MEGF6: variants seen among roughly 807,000 people sequenced by gnomAD.
MEGF6 encodes multiple EGF like domains 6.
In MEGF6, 184 loss-of-function variants were observed where a neutral mutation model predicts 207.1. The observed-to-expected ratio is 0.89, with a 90% CI of 0.79 to 1.00. MEGF6 has a LOEUF of 1.00. Among genes scored for constraint, MEGF6 ranks in the 50% least tolerant of loss-of-function variants. MEGF6 has a pLI of 0.00. For missense variants in MEGF6, 2,282 were observed against 2,202.9 expected, an observed-to-expected ratio of 1.04 and a Z score of -0.72; for synonymous variants, 1,038 against 910.0, an observed-to-expected ratio of 1.14 and a Z score of -2.53.
At chr1:3,585,173 G>A (rs1643874535) in intron 3 of MEGF6, among the ~76,000 whole-genome samples, 1 of 150,012 alleles carries the variant, frequency 6.7e-6, no homozygotes, top group Non-Finnish European at 1.5e-5. Flanking sequence ...GACACGTCCT[G>A]TGTGTGGGTG....
chr1:3,607,624 C>T (rs547263819), intron 1 of MEGF6, among the ~76,000 whole-genome samples: 22 of 152,340 alleles, frequency 1.4e-4, no homozygotes, highest in African/African-American at 4.8e-4. Context: ...AAAAAGAAAC[C>T]TCCCACTGCT....
intron 4 of MEGF6, among the ~76,000 whole-genome samples, chr1:3,566,291 A>T (rs1643341685): frequency 6.6e-6 from 1 of 152,236 alleles, no homozygotes; most frequent in South Asian, 2.1e-4. Flanking sequence ...CCTCGCTTGC[A>T]GAGCCTCATT....
chr1:3,595,310 A>G, intron 3 of MEGF6, 28 bp downstream of exon 3: 5 of 1,330,038 alleles, frequency 3.8e-6, no homozygotes, highest in East Asian at 7.1e-5. Flanking sequence ...AGGTGGAGGG[A>G]GGGCGGGGAG....
rs780142690 is a variant in MEGF6 at position 3,506,140 on chromosome 1, T to A, written c.1886A>T (p.Asp629Val). The A allele has an allele frequency of 5.0e-6, 8 of 1,598,150 alleles. No homozygotes were observed. Among genetic ancestry groups the A allele is most frequent in the African/African-American group, 1.3e-5 (1 of 74,720 alleles). The change falls in exon 15 of 37, where the codon GAC (aspartate) becomes GTC (valine). Residue 629 changes from aspartate to valine, a missense_variant. Asp to Val is a radical substitution (Grantham distance 152, BLOSUM62 -3). Transcript: ENST00000356575. ...GCAGAAGCGGCCGTAGAGCCCTGGG[T>A]CGCAGAGGCAGGCCCCGTAGAGGCG... ...CHRLYGACLC[D>V]PGLYGRFCHL...
chr1:3,579,780 G>C, intron 4 of MEGF6, 45 bp downstream of exon 4: 1 of 1,364,508 alleles, frequency 7.3e-7, no homozygotes, highest in Admixed American at 3.4e-5. Context: ...CTTGCCCACA[G>C]GCTGGCCATG....
Position 3,514,558 on chromosome 1 carries a change from G to T in MEGF6, c.845C>A (p.Ala282Asp). Residue 282 changes from alanine to aspartate, a missense_variant, in exon 7 of 37, where the codon GCC becomes GAC. Physicochemically the swap from Ala to Asp is moderately radical, Grantham distance 126. Coordinates refer to ENST00000356575, the MANE Select transcript of MEGF6 (RefSeq NM_001409.4). ...GGGGAGGGGCGTCCTACCTTCACAG[G>T]CCTTGCCGTCCGCTGCTAGCTGATA... is the stretch of plus-strand genomic sequence containing the variant. The part of the protein sequence containing the change: ...VGYQLAADGK[A>D]CEDVDECAAG... 2 of 1,591,848 alleles carry T rather than the reference G, an allele frequency of 1.3e-6. No homozygotes were observed. The highest frequency in any genetic ancestry group is 2.3e-5 in the East Asian group (1 of 44,164).
At chr1:3,492,582 G>T (rs1359693883) in intron 35 of MEGF6, 57 bp downstream of exon 35, 9 of 1,591,860 alleles carry the variant, frequency 5.7e-6, no homozygotes, top group African/African-American at 1.3e-5. Flanking sequence ...CCAGGGTGGA[G>T]CTGAGGCTGA....
chr1:3,537,541 C>CGAGTG (rs1414663026), intron 4 of MEGF6, among the ~76,000 whole-genome samples: 1 of 152,240 alleles, frequency 6.6e-6, no homozygotes, highest in African/African-American at 2.4e-5. Flanking sequence ...GGACCCTGAA[C>CGAGTG]GAGTGGCCGG....
rs1424864110 is a variant in MEGF6, at chr1:3,509,752, G to C, written c.1357+118C>G. The C allele has an allele frequency of 2.2e-6, 3 of 1,377,090 alleles. No individual in the cohort carries two copies. The African/African-American group carries it at 4.4e-5, about 20-fold the overall frequency. 85.3% of individuals were successfully genotyped at this position (1,377,090 alleles called of 1,614,324 possible). On this transcript the variant is annotated intron_variant, in intron 11 of 36. Coordinates refer to ENST00000356575, the MANE Select transcript of MEGF6 (RefSeq NM_001409.4). ...AGGTGTGTTGGCCCAGAGAGGCCAG[G>C]GGGCAAAGGACCCCAGGCAGGTGGG...
chr1:3,589,754 G>C (rs893882335), intron 3 of MEGF6, among the ~76,000 whole-genome samples: 1 of 152,164 alleles, frequency 6.6e-6, no homozygotes, highest in African/African-American at 2.4e-5. Context: ...CGCCTGCATC[G>C]GCCCCGTTCA....
Position 3,509,099 on chromosome 1 carries a change from CG to C in MEGF6, c.1503del (p.Glu502AsnfsTer21). The C allele has an allele frequency of 6.3e-7, 1 of 1,597,982 alleles. No homozygotes were observed. The highest frequency in any genetic ancestry group is 8.5e-7 in the Non-Finnish European group (1 of 1,173,474). On this transcript the variant is annotated frameshift_variant, in exon 12 of 37. Transcript: ENST00000356575. LOFTEE classifies it high-confidence loss of function. ...CCAAACTTCTCTGTGAGCGTGTGTT[CG>C]CCCCGCAACTCTGCCTCTTCCTCAT... ...GADEEEAELR[G>X]EHTLTEKFVC...
At chr1:3,588,517 TAGGAGTGGCC>T (rs1337892320) in intron 3 of MEGF6, among the ~76,000 whole-genome samples, 1 of 93,860 alleles carries the variant, frequency 1.1e-5, no homozygotes, top group African/African-American at 4.4e-5. Context: ...CAGGAGGGGA[TAGGAGTGGCC>T]AGGAGTGGCC....
chr1:3,497,048 G>A lies in MEGF6; in HGVS notation c.3553C>T (p.His1185Tyr), dbSNP rs199684134. The A allele has an allele frequency of 1.3e-6, 2 of 1,556,330 alleles. No homozygotes were observed. The highest frequency in any genetic ancestry group is 1.9e-5 in the Admixed American group (1 of 51,972). ...CQCPGENPAC[H>Y]PATGTCSCAA... is the part of the protein sequence containing the mutation. ...CATGAGCAGGTCCCGGTGGCAGGGTGGCAGGCCGGGTTCTCACCGGGACAC... is the reference window on the plus strand; with the variant it reads ...CATGAGCAGGTCCCGGTGGCAGGGTAGCAGGCCGGGTTCTCACCGGGACAC... Residue 1185 changes from histidine (H) to tyrosine (Y), a missense_variant, in exon 28 of 37, where the codon CAC becomes TAC. By Grantham distance (83) the His-to-Tyr change is moderately conservative. Coordinates refer to ENST00000356575, the MANE Select transcript of MEGF6 (RefSeq NM_001409.4).
chr1:3,593,244 C>T (rs138810001), intron 3 of MEGF6, among the ~76,000 whole-genome samples: 6 of 152,226 alleles, frequency 3.9e-5, no homozygotes, highest in Admixed American at 3.9e-4. Flanking sequence ...CTGAACCAGC[C>T]TCGGGGGACG....
At chr1:3,568,311 C>G (rs1161314780) in intron 4 of MEGF6, among the ~76,000 whole-genome samples, 3 of 143,002 alleles carry the variant, frequency 2.1e-5, no homozygotes, top group African/African-American at 4.9e-5. Flanking sequence ...AACCAAGGCC[C>G]CTGAGGGCTC....
chr1:3,624,770 G>A, the MEGF6 span: 2 of 185,166 alleles, frequency 1.1e-5, no homozygotes, highest in African/African-American at 2.4e-5. Flanking sequence ...CTTCGGCCCC[G>A]CCCCTTCTCG....
At chr1:3,543,314 G>A (rs1325793627) in intron 4 of MEGF6, among the ~76,000 whole-genome samples, 1 of 152,234 alleles carries the variant, frequency 6.6e-6, no homozygotes, top group Non-Finnish European at 1.5e-5. Context: ...GGCCCTGCGG[G>A]TGACCAAGCA....
chr1:3,567,535 C>CT (rs1643380255), intron 4 of MEGF6, among the ~76,000 whole-genome samples: 1 of 152,214 alleles, frequency 6.6e-6, no homozygotes, highest in Non-Finnish European at 1.5e-5. Context: ...CATGCCCCCC[C>CT]CAGGCTCTCC....
intron 3 of MEGF6, among the ~76,000 whole-genome samples, chr1:3,585,583 TG>T (rs1643881983): frequency 7.4e-6 from 1 of 135,820 alleles, no homozygotes. Flanking sequence ...ACATGTCCTG[TG>T]TGTGGACACG....
Sources: gnomAD v4.1 joint callset for allele counts (sites outside exome capture counted in the v4.1 genomes callset) on GRCh38, gnomAD v4.1.1 for gene constraint, MANE v1.5 for transcripts, NCBI Gene and HGNC (gene_info 2026-07-23, HGNC 2026-07-21) for gene names.